FRMD4B: variants seen among roughly 807,000 people sequenced by gnomAD.
FRMD4B encodes the protein FERM domain containing 4B, also known as FERM domain-containing protein 4B.
A neutral mutation model predicts 141.5 loss-of-function variants in FRMD4B; 74 were observed. The ratio of observed to expected loss-of-function variants is 0.52; its 90% CI spans 0.43 to 0.63. The LOEUF is 0.63. Ranked by LOEUF, FRMD4B falls within the 30% of genes least tolerant of loss-of-function variation. The probability of loss-of-function intolerance (pLI) is 0.00; values close to 1 mark genes in which losing one functional copy is unlikely to be tolerated. For synonymous variants in FRMD4B, 506 were observed against 467.9 expected (o/e 1.08, Z -1.05); for missense variants, 1,366 against 1,253.4 (o/e 1.09, Z -1.36).
chr3:69,504,813 A>C (rs1559548145), intron 1 of FRMD4B, among the ~76,000 whole-genome samples: 1 of 152,238 alleles, frequency 6.6e-6, no homozygotes, highest in East Asian at 1.9e-4. Flanking sequence ...TGAAAATGCT[A>C]GGTGAAAGAT....
At chr3:69,450,668 C>T (rs1329451751) in intron 1 of FRMD4B, among the ~76,000 whole-genome samples, 9 of 152,268 alleles carry the variant, frequency 5.9e-5, no homozygotes, top group Middle Eastern at 3.4e-3. Flanking sequence ...GCAGGAGAAT[C>T]GCTTGAACCC....
chr3:69,356,921 C>T lies in FRMD4B; in HGVS notation c.162+28907G>A, dbSNP rs116997879. On this transcript the variant is annotated intron_variant, in intron 1 of 22. Transcript: ENST00000398540. ...TTTCAGTTACTGAGTCTATAATTTCCGTTTCTGCTCAAGCTGGTTCTGATT... is the reference window on the plus strand; with the variant it reads ...TTTCAGTTACTGAGTCTATAATTTCTGTTTCTGCTCAAGCTGGTTCTGATT... 3.3e-3 allele frequency among the ~76,000 whole-genome samples: 501 copies of T among 152,170 alleles called. 17 individuals carry two copies. The East Asian group carries it at 0.079, about 24-fold the overall frequency.
chr3:69,301,959 G>A (rs1438431822), intron 4 of FRMD4B, among the ~76,000 whole-genome samples: 3 of 152,158 alleles, frequency 2.0e-5, no homozygotes. Context: ...TTATTGCCAC[G>A]TAAAATGTAA....
At chr3:69,521,424 C>T (rs1700851585) in intron 1 of FRMD4B, among the ~76,000 whole-genome samples, 1 of 152,184 alleles carries the variant, frequency 6.6e-6, no homozygotes, top group Admixed American at 6.5e-5. Context: ...GATCAAGCCA[C>T]CATCATCACC....
At chr3:69,521,290 A>C (rs1028053002) in intron 1 of FRMD4B, among the ~76,000 whole-genome samples, 1 of 151,922 alleles carries the variant, frequency 6.6e-6, no homozygotes, top group Non-Finnish European at 1.5e-5. Context: ...AACAAAATTA[A>C]CTTCTTGGCA....
chr3:69,457,854 C>T (rs1035432624), intron 1 of FRMD4B, among the ~76,000 whole-genome samples: 12 of 152,210 alleles, frequency 7.9e-5, no homozygotes, highest in Admixed American at 2.6e-4. Flanking sequence ...TCACCTCATT[C>T]TTCCACCATT....
chr3:69,429,389 C>A (rs1705139648), intron 2 of FRMD4B, among the ~76,000 whole-genome samples: 2 of 152,124 alleles, frequency 1.3e-5, no homozygotes, highest in African/African-American at 4.8e-5. Flanking sequence ...TATATGAGAG[C>A]CTTTTTGTCC....
At chr3:69,282,431 A>G (rs762401407) in intron 5 of FRMD4B, among the ~76,000 whole-genome samples, 4 of 152,134 alleles carry the variant, frequency 2.6e-5, no homozygotes, top group Non-Finnish European at 4.4e-5. Context: ...ACTTTTGCCA[A>G]TCAATAAATC....
chr3:69,325,559 C>T (rs1702164497), intron 1 of FRMD4B, among the ~76,000 whole-genome samples: 1 of 152,140 alleles, frequency 6.6e-6, no homozygotes, highest in Non-Finnish European at 1.5e-5. Flanking sequence ...TTTAGAGTCA[C>T]GAGGTTTGAG....
At chr3:69,262,972 T>C (rs1197889195) in intron 5 of FRMD4B, among the ~76,000 whole-genome samples, 1 of 151,942 alleles carries the variant, frequency 6.6e-6, no homozygotes, top group African/African-American at 2.4e-5. Context: ...TTAAAAGCAA[T>C]TGTAGGCTGG....
chr3:69,500,767 A>G (rs1264133452), intron 1 of FRMD4B, among the ~76,000 whole-genome samples: 1 of 151,526 alleles, frequency 6.6e-6, no homozygotes, highest in Non-Finnish European at 1.5e-5. Flanking sequence ...AGTGGGAGAG[A>G]GAAAGGAAGG....
At chr3:69,352,790 A>G (rs568818421) in intron 1 of FRMD4B, among the ~76,000 whole-genome samples, 8 of 152,236 alleles carry the variant, frequency 5.3e-5, no homozygotes, top group Non-Finnish European at 2.9e-5. Flanking sequence ...AATTCTGATC[A>G]CATAGAATCC....
At chr3:69,424,151 G>A (rs1705033171) in intron 2 of FRMD4B, among the ~76,000 whole-genome samples, 1 of 152,204 alleles carries the variant, frequency 6.6e-6, no homozygotes. Flanking sequence ...ACAAGGTTAT[G>A]TACTGACTGG....
intron 1 of FRMD4B, among the ~76,000 whole-genome samples, chr3:69,436,262 G>C (rs887850322): frequency 6.6e-6 from 1 of 152,074 alleles, no homozygotes; most frequent in Non-Finnish European, 1.5e-5. Context: ...ATATTCTGTG[G>C]AGCACACTTT....
rs78414770 is a variant in FRMD4B, at chr3:69,217,192, C to T, written c.790-843G>A. ...TTGAATAATTGGTTTGAGGTACATA[C>T]GGGGAGGTGAGTAATATTGTTTTCA... is the stretch of plus-strand genomic sequence containing the variant. On this transcript the variant is annotated intron_variant, in intron 10 of 22. Coordinates refer to ENST00000398540, the MANE Select transcript of FRMD4B (RefSeq NM_015123.3). Among the ~76,000 whole-genome samples, 45 of 152,262 alleles carry T rather than the reference C, an allele frequency of 3.0e-4. No homozygotes were observed. The East Asian group carries it at 8.1e-3, about 27-fold the overall frequency.
At chr3:69,262,294 G>A (rs753986255) in intron 5 of FRMD4B, among the ~76,000 whole-genome samples, 21 of 151,872 alleles carry the variant, frequency 1.4e-4, no homozygotes, top group Non-Finnish European at 2.9e-4. Flanking sequence ...CAATGTTTTG[G>A]CAGAGTCTAC....
intron 11 of FRMD4B, among the ~76,000 whole-genome samples, chr3:69,213,602 A>G (rs570189174): frequency 1.3e-5 from 2 of 151,994 alleles, no homozygotes; most frequent in East Asian, 3.9e-4. Flanking sequence ...GTATGATTAC[A>G]AACATGCTCT....
intron 7 of FRMD4B, among the ~76,000 whole-genome samples, chr3:69,226,697 C>A (rs934097762): frequency 6.6e-6 from 1 of 152,026 alleles, no homozygotes; most frequent in Non-Finnish European, 1.5e-5. Flanking sequence ...TCAGAAGTTG[C>A]TATTTATCAT....
At chr3:69,445,579 C>T (rs979521020) in intron 1 of FRMD4B, among the ~76,000 whole-genome samples, 1 of 152,170 alleles carries the variant, frequency 6.6e-6, no homozygotes, top group African/African-American at 2.4e-5. Context: ...TCCTATCTAC[C>T]TCTGAAATCT....
Sources: gnomAD v4.1 joint callset for allele counts (sites outside exome capture counted in the v4.1 genomes callset) on GRCh38, gnomAD v4.1.1 for gene constraint, MANE v1.5 for transcripts, NCBI Gene and HGNC (gene_info 2026-07-23, HGNC 2026-07-21) for gene names.